The following MAP3K9 variants were observed in gnomAD, a reference collection of about 807,000 sequenced individuals.
MAP3K9 encodes mitogen-activated protein kinase kinase kinase 9.
A neutral mutation model predicts 95.8 loss-of-function variants in MAP3K9; 46 were observed. That is an observed-to-expected ratio of 0.48 (90% confidence interval 0.38 to 0.61). MAP3K9 has a LOEUF of 0.61. Among genes scored for constraint, MAP3K9 ranks in the 20% least tolerant of loss-of-function variants. The probability of loss-of-function intolerance (pLI) is 0.00; values close to 1 mark genes in which losing one functional copy is unlikely to be tolerated. For missense variants in MAP3K9, 1,296 were observed against 1,474.3 expected, an observed-to-expected ratio of 0.88 and a Z score of 1.98; for synonymous variants, 533 against 593.8, an observed-to-expected ratio of 0.90 and a Z score of 1.49.
At chr14:70,777,269 C>A (rs1346530563) in intron 2 of MAP3K9, among the ~76,000 whole-genome samples, 1 of 152,134 alleles carries the variant, frequency 6.6e-6, no homozygotes, top group Non-Finnish European at 1.5e-5. Flanking sequence ...TATCTTTTTT[C>A]TTTTCTAAAA....
intron 8 of MAP3K9, among the ~76,000 whole-genome samples, chr14:70,737,954 C>T (rs1377119561): frequency 6.6e-6 from 1 of 152,168 alleles, no homozygotes; most frequent in Non-Finnish European, 1.5e-5. Context: ...TCCATGGTCT[C>T]TGGAGGCTTC....
At chr14:70,777,328 T>C (rs74686004) in intron 2 of MAP3K9, among the ~76,000 whole-genome samples, 1,585 of 152,232 alleles carry the variant, frequency 0.01, 19 homozygotes, top group Non-Finnish European at 0.017. Flanking sequence ...AAAGCACTCT[T>C]AGACAGTGGT....
intron 2 of MAP3K9, among the ~76,000 whole-genome samples, chr14:70,795,169 T>G (rs1211223193): frequency 6.6e-6 from 1 of 151,586 alleles, no homozygotes; most frequent in East Asian, 1.9e-4. Context: ...ATTTTTTTTG[T>G]TTGTTCTTAG....
chr14:70,745,299 T>C lies in MAP3K9; in HGVS notation c.1327-2708A>G, dbSNP rs190304358. On this transcript the variant is annotated intron_variant, in intron 5 of 11. Transcript: ENST00000554752. ...GGAACCTGGAGCTAGAAAACAAGCATGTGAACCCATATTGGGGAAGCTGAG... is the reference window on the plus strand; with the variant it reads ...GGAACCTGGAGCTAGAAAACAAGCACGTGAACCCATATTGGGGAAGCTGAG... 1.1e-4 allele frequency among the ~76,000 whole-genome samples: 17 copies of C among 152,204 alleles called. No homozygotes were observed. In the East Asian group the frequency reaches 2.7e-3, roughly 24 times the overall value.
intron 2 of MAP3K9, among the ~76,000 whole-genome samples, chr14:70,779,914 C>G (rs909385218): frequency 4.6e-5 from 7 of 152,246 alleles, no homozygotes; most frequent in Admixed American, 1.3e-4. Context: ...GGGAATGGCA[C>G]AACCTAAGAA....
intron 6 of MAP3K9, among the ~76,000 whole-genome samples, chr14:70,741,633 T>C (rs906293421): frequency 1.3e-5 from 2 of 152,214 alleles, no homozygotes; most frequent in African/African-American, 2.4e-5. Context: ...AATCTTATCA[T>C]GTAAATTCTC....
At chr14:70,803,519 C>G (rs2054957009) in intron 1 of MAP3K9, among the ~76,000 whole-genome samples, 1 of 152,008 alleles carries the variant, frequency 6.6e-6, no homozygotes, top group Non-Finnish European at 1.5e-5. Context: ...CTCAGCCAGC[C>G]CTGTAACGCC....
intron 1 of MAP3K9, among the ~76,000 whole-genome samples, 177 bp downstream of exon 1, chr14:70,808,589 G>A (rs1323165966): frequency 6.6e-6 from 1 of 151,998 alleles, no homozygotes; most frequent in African/African-American, 2.4e-5. Flanking sequence ...GAGGCGTCTC[G>A]AGCTTATCCA....
At chr14:70,784,356 C>T (rs1325590465) in intron 2 of MAP3K9, among the ~76,000 whole-genome samples, 1 of 151,974 alleles carries the variant, frequency 6.6e-6, no homozygotes, top group Non-Finnish European at 1.5e-5. Context: ...CAAGTAAGTA[C>T]AAGAGCCCAA....
chr14:70,779,197 T>A (rs773612200), intron 2 of MAP3K9, among the ~76,000 whole-genome samples: 19 of 152,220 alleles, frequency 1.2e-4, no homozygotes, highest in Non-Finnish European at 2.2e-4. Context: ...ACTGGAAGAC[T>A]ACAGACCCTG....
At chr14:70,766,711 G>A (rs1352031941) in intron 2 of MAP3K9, among the ~76,000 whole-genome samples, 1 of 152,136 alleles carries the variant, frequency 6.6e-6, no homozygotes, top group African/African-American at 2.4e-5. Context: ...AGTGAGGGAT[G>A]GGGAAGGGAA....
rs1015039634 is a variant in MAP3K9, at chr14:70,809,007, G to A, written c.165C>T (p.Pro55=). ...PGELGCDAPL[P]YWTAVFEYEA... ...CGTACTCGAACACGGCCGTCCAGTA[G>A]GGCAGCGGCGCGTCGCAGCCCAGCT... is the stretch of plus-strand genomic sequence containing the variant. The change falls in exon 1 of 12, where the codon CCC becomes CCT. Residue 55 remains proline (P), a synonymous_variant. Transcript: ENST00000554752. 6 of 1,527,934 alleles carry A rather than the reference G, an allele frequency of 3.9e-6. No homozygotes were observed. The highest frequency in any genetic ancestry group is 2.5e-5 in the East Asian group (1 of 39,432). 94.6% of individuals were successfully genotyped at this position (1,527,934 alleles called of 1,614,324 possible).
Position 70,748,863 on chromosome 14 carries a change from T to C in MAP3K9, c.1292A>G (p.Gln431Arg), listed in dbSNP as rs1218597263. The C allele has an allele frequency of 1.2e-6, 2 of 1,613,888 alleles. No individual in the cohort carries two copies. Among genetic ancestry groups the C allele is most frequent in the East Asian group, 2.2e-5 (1 of 44,890 alleles). ...GGCCCTGAGTTGGTCAAACATCTCC[T>C]GAATCTCGTGTTTCCAGTTGTCCTG... ...CLQDNWKHEI[Q>R]EMFDQLRAKE... Residue 431 changes from glutamine to arginine, a missense_variant, in exon 5 of 12, where the codon CAG becomes CGG. By Grantham distance (43) the Gln-to-Arg change is conservative. Coordinates refer to ENST00000554752, the MANE Select transcript of MAP3K9 (RefSeq NM_001284230.2).
rs1356293831 is a variant in MAP3K9 at position 70,730,124 on chromosome 14, T to A, written c.*256A>T. ...GGAAGACTGTGGAGGGTGGGGGACA[T>A]GCATGCACCCCTTCCTCCCCTACAC... On this transcript the variant is annotated 3_prime_UTR_variant, in exon 12 of 12. Transcript: ENST00000554752. The A allele has an allele frequency of 8.0e-6, 4 of 499,824 alleles. No individual in the cohort carries two copies. Among genetic ancestry groups the A allele is most frequent in the Non-Finnish European group, 1.4e-5 (4 of 280,084 alleles). The allele number at this position is 499,824 out of a possible 1,614,324, so 31.0% of individuals were successfully genotyped here.
intron 2 of MAP3K9, among the ~76,000 whole-genome samples, chr14:70,793,859 G>A (rs139507110): frequency 6.0e-4 from 91 of 152,286 alleles, no homozygotes; most frequent in Non-Finnish European, 9.3e-4. Context: ...GTTTTGTTTC[G>A]TTATGGCCTA....
At position 70,809,192 on chromosome 14, in the gene MAP3K9, T is replaced by G. The variant is rs2055038094; in HGVS notation, c.-21A>C. 5 of 1,294,168 alleles carry G rather than the reference T, an allele frequency of 3.9e-6. No individual in the cohort carries two copies. The highest frequency in any genetic ancestry group is 3.9e-6 in the Non-Finnish European group (4 of 1,028,028). The allele number at this position is 1,294,168 out of a possible 1,614,324, so 80.2% of individuals were successfully genotyped here. On this transcript the variant is annotated 5_prime_UTR_variant, in exon 1 of 12. Coordinates refer to ENST00000554752, the MANE Select transcript of MAP3K9 (RefSeq NM_001284230.2). Reference sequence around the variant, plus strand: ...TCCATGGAGCGGCCGATCCATAGGGTGCGGGGCCGCCGCCGCCCGCAGGAG... The same window carrying G: ...TCCATGGAGCGGCCGATCCATAGGGGGCGGGGCCGCCGCCGCCCGCAGGAG...
In MAP3K9 at chr14:70,742,552, G is replaced by C. The variant is rs549151946; in HGVS notation, c.1366C>G (p.Leu456Val). Residue 456 changes from leucine to valine, a missense_variant, in exon 6 of 12, where the codon CTG (leucine) becomes GTG (valine). Coordinates refer to ENST00000554752, the MANE Select transcript of MAP3K9 (RefSeq NM_001284230.2). ...AGTTCCTCCTGGTTCTTCTGCTGCA[G>C]TGCAGCCCGCGTCAGCTCCTCCTCC... is the stretch of plus-strand genomic sequence containing the variant. ...TWEEELTRAA[L>V]QQKNQEELLR... is the part of the protein sequence containing the mutation. The C allele has an allele frequency of 2.2e-5, 35 of 1,614,184 alleles. No homozygotes were observed. The highest frequency in any genetic ancestry group is 2.7e-5 in the African/African-American group (2 of 75,056).
At chr14:70,778,958 G>A (rs1487386773) in intron 2 of MAP3K9, among the ~76,000 whole-genome samples, 3 of 152,264 alleles carry the variant, frequency 2.0e-5, no homozygotes, top group Middle Eastern at 6.8e-3. Context: ...TCCTTAGAAG[G>A]GGCTCACAGA....
rs369952060 is a variant in MAP3K9, at chr14:70,800,595, C to T, written c.820+72G>A. 31 of 1,480,150 alleles carry T rather than the reference C, an allele frequency of 2.1e-5. No individual in the cohort carries two copies. In the East Asian group the frequency reaches 3.4e-4, roughly 16 times the overall value. 91.7% of individuals were successfully genotyped at this position (1,480,150 alleles called of 1,614,324 possible). On this transcript the variant is annotated intron_variant, in intron 2 of 11. Coordinates refer to ENST00000554752, the MANE Select transcript of MAP3K9 (RefSeq NM_001284230.2). ...GCCCTCTAAGGTTCCATTAGAAGTC[C>T]ACTCCTACTGACGTCGTGGGATACA...
Sources: allele counts gnomAD v4.1 joint callset (sites outside exome capture counted in the v4.1 genomes callset), GRCh38; gene constraint gnomAD v4.1.1; transcripts MANE v1.5; gene names NCBI Gene and HGNC (gene_info 2026-07-23, HGNC 2026-07-21).